The following UBAP1L variants were observed in gnomAD, a reference collection of about 807,000 sequenced individuals.
The protein encoded by UBAP1L is ubiquitin-associated protein 1-like.
A neutral mutation model predicts 32.1 loss-of-function variants in UBAP1L; 32 were observed. That is an observed-to-expected ratio of 1.00 (90% CI 0.75 to 1.34). The LOEUF (loss-of-function observed/expected upper bound fraction) is 1.34, where lower values mean the gene tolerates loss of function less well. Ranked by LOEUF, UBAP1L falls within the 40% of genes most tolerant of loss-of-function variation. The pLI is 0.00. For missense variants in UBAP1L, 516 were observed against 540.5 expected (o/e 0.95, Z 0.45); for synonymous variants, 243 against 250.2 (o/e 0.97, Z 0.27).
Position 65,102,010 on chromosome 15 carries a change from G to A in UBAP1L, c.699+96C>T, listed in dbSNP as rs2087244604. 4.4e-6 allele frequency: 2 copies of A among 453,036 alleles called. No individual in the cohort carries two copies. The highest frequency in any genetic ancestry group is 4.8e-5 in the Admixed American group (1 of 20,822). The allele number at this position is 453,036 out of a possible 1,614,324, so 28.1% of individuals were successfully genotyped here. Reference sequence around the variant, plus strand: ...TCAAGGGAGGATGCAGGAGCGCGTGGAGTAGGGGACCGAGGCTGCGGGCTG... The same window carrying A: ...TCAAGGGAGGATGCAGGAGCGCGTGAAGTAGGGGACCGAGGCTGCGGGCTG... On this transcript the variant is annotated intron_variant, in intron 3 of 5. Transcript: ENST00000559089. The surrounding 1 kb of genome is among the most constrained non-coding windows in gnomAD (Gnocchi z 5.0).
At chr15:65,105,993 T>G in intron 2 of UBAP1L, 103 bp downstream of exon 2, 1 of 1,492,282 alleles carries the variant, frequency 6.7e-7, no homozygotes. Flanking sequence ...GGTTTCACCA[T>G]GTTGGCCAGG....
rs2087137977 is a variant in UBAP1L, at chr15:65,093,217, C to G, written c.1026G>C (p.Leu342=). The G allele has an allele frequency of 6.5e-7, 1 of 1,546,662 alleles. No individual in the cohort carries two copies. Residue 342 remains leucine (L), a synonymous_variant, in exon 6 of 6, where the codon CTG becomes CTC. Transcript: ENST00000559089. ...QFSESQAGEF[L]RLWEQFSDMG... Reference sequence around the variant, plus strand: ...TGTCACTGAACTGCTCCCAGAGGCGCAGGAACTCCCCTGCCTGAGGAAGAG... The same window carrying G: ...TGTCACTGAACTGCTCCCAGAGGCGGAGGAACTCCCCTGCCTGAGGAAGAG...
rs768455516 is a variant in UBAP1L, at chr15:65,102,680, T to A, written c.125A>T (p.Asp42Val). ...CGEVLLGSMHDFSLERTALFW... is the reference protein window; with the variant it reads ...CGEVLLGSMHVFSLERTALFW... ...GAGTGCCGTCCTCTCCAGGCTGAAG[T>A]CGTGCTGCGGAAAGAAGGCGACGTA... The change falls in exon 3 of 6, where the codon GAC (aspartate) becomes GTC (valine). Residue 42 changes from aspartate to valine, a missense_variant. Transcript: ENST00000559089. The surrounding 1 kb of genome is among the most constrained non-coding windows in gnomAD (Gnocchi z 5.0). The A allele has an allele frequency of 5.8e-6, 9 of 1,546,426 alleles. No homozygotes were observed. Among genetic ancestry groups the A allele is most frequent in the Non-Finnish European group, 7.8e-6 (9 of 1,146,504 alleles).
At position 65,099,577 on chromosome 15, in the gene UBAP1L, C is replaced by T. The variant is rs371840831; in HGVS notation, c.837G>A (p.Val279=). The T allele has an allele frequency of 7.1e-6, 11 of 1,551,602 alleles. No individual in the cohort carries two copies. In the African/African-American group the frequency reaches 9.6e-5, roughly 13 times the overall value. Residue 279 remains valine (V), a synonymous_variant, in exon 4 of 6, where the codon GTG becomes GTA. Coordinates refer to ENST00000559089, the MANE Select transcript of UBAP1L (RefSeq NM_001163692.2). ...SQEEQDLIGP[V]VALGYPLRRA... is the part of the protein sequence containing the mutation. ...TTCGCAGGGGATATCCCAGGGCGACCACTGGCCCAATGAGGTCTTGCTCCT... is the reference window on the plus strand; with the variant it reads ...TTCGCAGGGGATATCCCAGGGCGACTACTGGCCCAATGAGGTCTTGCTCCT...
intron 1 of UBAP1L, among the ~76,000 whole-genome samples, chr15:65,108,957 G>C (rs2087348001): frequency 6.6e-6 from 1 of 150,960 alleles, no homozygotes; most frequent in African/African-American, 2.4e-5. Context: ...GGGAGATCGA[G>C]ACCATCCTGG....
At chr15:65,113,233 C>T (rs1334289385) in intron 1 of UBAP1L, among the ~76,000 whole-genome samples, 1 of 152,080 alleles carries the variant, frequency 6.6e-6, no homozygotes, top group Non-Finnish European at 1.5e-5. Flanking sequence ...AAAACTAAGG[C>T]ACTCTCCTAC....
At chr15:65,101,794 C>G (rs1034666064) in intron 3 of UBAP1L, among the ~76,000 whole-genome samples, 11 of 152,298 alleles carry the variant, frequency 7.2e-5, no homozygotes, top group Non-Finnish European at 1.6e-4. Context: ...AGTCCCTGCC[C>G]TAAAAGAGCT....
In UBAP1L at chr15:65,102,596, G is replaced by A; in HGVS notation, c.209C>T (p.Thr70Ile). 2 of 1,548,752 alleles carry A rather than the reference G, an allele frequency of 1.3e-6. No individual in the cohort carries two copies. Among genetic ancestry groups the A allele is most frequent in the East Asian group, 2.5e-5 (1 of 40,694 alleles). ...GAGCCAGGCTGGAGGGGCTGACGCT[G>A]TCCCCGGGTCACCGCACTGGTACGG... ...PSPYQCGDPGTASAPPAWLLL... is the reference protein window; with the variant it reads ...PSPYQCGDPGIASAPPAWLLL... The change falls in exon 3 of 6, where the codon ACA becomes ATA. Residue 70 changes from threonine (T) to isoleucine (I), a missense_variant. Coordinates refer to ENST00000559089, the MANE Select transcript of UBAP1L (RefSeq NM_001163692.2). This position sits in a 1 kb window ranked among gnomAD's most constrained non-coding sequence, Gnocchi z 5.0.
intron 3 of UBAP1L, 32 bp from the exon 4 acceptor site, chr15:65,099,746 A>G (rs1288779213): frequency 6.6e-7 from 1 of 1,507,888 alleles, no homozygotes; most frequent in Non-Finnish European, 9.0e-7. Context: ...CATGTCAGTT[A>G]CTACAGGAAG....
In UBAP1L at chr15:65,094,866, G is replaced by T; in HGVS notation, c.910-290C>A. ...CTAGGGTGTTCATAGAACCTAGGTG[G>T]GGAGCAGGACAGGCTTCAAACACAG... is the stretch of plus-strand genomic sequence containing the variant. On this transcript the variant is annotated intron_variant, in intron 4 of 5. Coordinates refer to ENST00000559089, the MANE Select transcript of UBAP1L (RefSeq NM_001163692.2). This position sits in a 1 kb window ranked among gnomAD's most constrained non-coding sequence, Gnocchi z 4.2. The T allele has an allele frequency of 2.1e-6, 1 of 470,466 alleles. No individual in the cohort carries two copies. Among genetic ancestry groups the T allele is most frequent in the Non-Finnish European group, 3.9e-6 (1 of 254,776 alleles). The allele number at this position is 470,466 out of a possible 1,614,324, so 29.1% of individuals were successfully genotyped here.
chr15:65,093,140 C>T lies in UBAP1L; in HGVS notation c.1103G>A (p.Arg368His), dbSNP rs543704665. Residue 368 changes from arginine to histidine, a missense_variant, in exon 6 of 6, where the codon CGC becomes CAC. Transcript: ENST00000559089. ...CAGCTCCTCCAGGGCTTGCTCTCGG[C>T]GGTTGCCATGGACCAGCAGCACCTC... ...IKEVLLVHGN[R>H]REQALEELVA... 387 of 1,549,658 alleles carry T rather than the reference C, an allele frequency of 2.5e-4. 1 individual carries two copies. The African/African-American group carries it at 3.5e-3, about 14-fold the overall frequency.
intron 5 of UBAP1L, among the ~76,000 whole-genome samples, chr15:65,093,498 A>T (rs2087140899): frequency 6.6e-6 from 1 of 151,894 alleles, no homozygotes; most frequent in Admixed American, 6.6e-5. Flanking sequence ...CCTCCCACTC[A>T]CTGTCAACTT....
Position 65,106,294 on chromosome 15 carries a change from A to G in UBAP1L, c.-79T>C. On this transcript the variant is annotated 5_prime_UTR_variant, in exon 2 of 6. Transcript: ENST00000559089. Reference sequence around the variant, plus strand: ...AGGGAGAGAGAGTCGAGTCCTGAGGACCAGGCTCAGGCCTCAAATGGCCTC... The same window carrying G: ...AGGGAGAGAGAGTCGAGTCCTGAGGGCCAGGCTCAGGCCTCAAATGGCCTC... 7.0e-7 allele frequency: 1 copy of G among 1,437,874 alleles called. No individual in the cohort carries two copies. The highest frequency in any genetic ancestry group is 9.1e-7 in the Non-Finnish European group (1 of 1,096,778). 89.1% of individuals were successfully genotyped at this position (1,437,874 alleles called of 1,614,324 possible).
Position 65,102,474 on chromosome 15 carries a change from C to T in UBAP1L, c.331G>A (p.Asp111Asn). The change falls in exon 3 of 6, where the codon GAC becomes AAC. Residue 111 changes from aspartate (D) to asparagine (N), a missense_variant. Coordinates refer to ENST00000559089, the MANE Select transcript of UBAP1L (RefSeq NM_001163692.2). This position sits in a 1 kb window ranked among gnomAD's most constrained non-coding sequence, Gnocchi z 5.0. ...CTGCCAGAGGAGGCTTCTGCCTCGT[C>T]CTCACCCTCCTCCTCCGGCCTCTCC... ...HQERPEEEGE[D>N]EAEASSGSEE... 1.4e-5 allele frequency: 20 copies of T among 1,440,006 alleles called. No individual in the cohort carries two copies. The highest frequency in any genetic ancestry group is 1.8e-5 in the Non-Finnish European group (20 of 1,095,882). 89.2% of individuals were successfully genotyped at this position (1,440,006 alleles called of 1,614,324 possible).
chr15:65,093,782 G>A (rs1443585016), intron 5 of UBAP1L, among the ~76,000 whole-genome samples: 5 of 152,208 alleles, frequency 3.3e-5, no homozygotes, highest in African/African-American at 9.6e-5. Flanking sequence ...GGTGGCTCAC[G>A]CCTGTAATCC....
chr15:65,104,183 T>C (rs946348450), intron 2 of UBAP1L, among the ~76,000 whole-genome samples: 2 of 149,770 alleles, frequency 1.3e-5, no homozygotes, highest in African/African-American at 4.9e-5. Flanking sequence ...ACCTGGGAGG[T>C]GGAGGTTGCA....
rs1459454285 is a variant in UBAP1L at position 65,102,665 on chromosome 15, C to T, written c.140G>A (p.Arg47Lys). Reference protein sequence around the residue: ...LGSMHDFSLERTALFWVEAAG... With the variant: ...LGSMHDFSLEKTALFWVEAAG... ...GGCCTCCACCCAGAAGAGTGCCGTC[C>T]TCTCCAGGCTGAAGTCGTGCTGCGG... Residue 47 changes from arginine to lysine, a missense_variant, in exon 3 of 6, where the codon AGG (arginine) becomes AAG (lysine). Arg to Lys is a conservative substitution (Grantham distance 26). Coordinates refer to ENST00000559089, the MANE Select transcript of UBAP1L (RefSeq NM_001163692.2). This position sits in a 1 kb window ranked among gnomAD's most constrained non-coding sequence, Gnocchi z 5.0. 15 of 1,547,996 alleles carry T rather than the reference C, an allele frequency of 9.7e-6. No homozygotes were observed. Among genetic ancestry groups the T allele is most frequent in the Non-Finnish European group, 1.3e-5 (15 of 1,146,772 alleles).
chr15:65,098,031 A>G (rs2087197267), intron 4 of UBAP1L: 1 of 152,184 alleles, frequency 6.6e-6, no homozygotes, highest in African/African-American at 2.4e-5. Flanking sequence ...GATGTTTAGA[A>G]AACCACGCAA....
chr15:65,105,671 G>C (rs1395770909), intron 2 of UBAP1L: 1 of 681,920 alleles, frequency 1.5e-6, no homozygotes, highest in African/African-American at 1.8e-5. Context: ...AAGCCATTAA[G>C]TATCTGAAAG....
Sources: gnomAD v4.1 joint callset for allele counts (sites outside exome capture counted in the v4.1 genomes callset) on GRCh38, gnomAD v4.1.1 for gene constraint, Gnocchi (gnomAD v3.1) non-coding constraint, MANE v1.5 for transcripts, NCBI Gene and HGNC (gene_info 2026-07-23, HGNC 2026-07-21) for gene names.